UIMC1: variants seen among roughly 807,000 people sequenced by gnomAD.
The protein encoded by UIMC1 is BRCA1-A complex subunit RAP80.
In UIMC1, 42 loss-of-function variants were observed where a neutral mutation model predicts 84.9. The observed-to-expected ratio is 0.49, with a 90% confidence interval of 0.39 to 0.64. UIMC1 has a LOEUF of 0.64. UIMC1 is among the 30% of genes least tolerant of loss of function. The pLI, the probability that UIMC1 is intolerant of heterozygous loss-of-function variation, is 0.00. For synonymous variants in UIMC1, 281 were observed against 293.0 expected (o/e 0.96, Z 0.42); for missense variants, 825 against 847.6 (o/e 0.97, Z 0.33).
intron 10 of UIMC1, among the ~76,000 whole-genome samples, chr5:176,940,117 C>T (rs1764237596): frequency 6.6e-6 from 1 of 152,160 alleles, no homozygotes. Flanking sequence ...TGGCATAAGT[C>T]TGAAAATTGG....
chr5:176,905,657 CTGGGTAAATCATAT>C, intron 14 of UIMC1, 165 bp from the exon 15 acceptor site: 1 of 708,360 alleles, frequency 1.4e-6, no homozygotes, highest in East Asian at 2.7e-5. Context: ...GATGAGGTCA[CTGGGTAAATCATAT>C]ACTACTTAAA....
At chr5:176,910,868 A>G (rs1044218106) in intron 11 of UIMC1, among the ~76,000 whole-genome samples, 1 of 152,190 alleles carries the variant, frequency 6.6e-6, no homozygotes. Flanking sequence ...AGGCAGGCCA[A>G]TCACCTGAGG....
chr5:176,920,544 T>C (rs1037856957), intron 10 of UIMC1, among the ~76,000 whole-genome samples: 2 of 152,378 alleles, frequency 1.3e-5, no homozygotes, highest in East Asian at 3.9e-4. Context: ...TTTGATAGTA[T>C]ATTAAATGTA....
chr5:176,963,521 TAAAAAAA>T (rs74389908), intron 6 of UIMC1, among the ~76,000 whole-genome samples: 1 of 130,020 alleles, frequency 7.7e-6, no homozygotes, highest in Admixed American at 7.8e-5. Context: ...ACTCCATCTT[TAAAAAAA>T]AAAAAAAAAA....
At chr5:176,956,949 T>C (rs1397544185) in intron 7 of UIMC1, among the ~76,000 whole-genome samples, 1 of 152,186 alleles carries the variant, frequency 6.6e-6, no homozygotes, top group African/African-American at 2.4e-5. Flanking sequence ...TAGTGCTCTA[T>C]TCAAAGGGTC....
At chr5:177,012,410 C>G (rs1349425169) in intron 1 of UIMC1, among the ~76,000 whole-genome samples, 2 of 152,182 alleles carry the variant, frequency 1.3e-5, no homozygotes, top group Non-Finnish European at 2.9e-5. Flanking sequence ...TCGAAACTGA[C>G]TTCAGGGCCA....
At position 176,946,444 on chromosome 5, in the gene UIMC1, G is replaced by A. The variant is rs560640966; in HGVS notation, c.1444-2956C>T. ...GGAGAATCACTTAAACCTGGGAGGC[G>A]GAGGCTGCAGTGAGCCGAGATCCCG... On this transcript the variant is annotated intron_variant, in intron 9 of 14. Transcript: ENST00000511320. 1.2e-3 allele frequency among the ~76,000 whole-genome samples: 189 copies of A among 151,422 alleles called. 2 individuals are homozygous for A. Among genetic ancestry groups the A allele is most frequent in the African/African-American group, 4.5e-3 (183 of 40,810 alleles).
Position 177,014,167 on chromosome 5 carries a change from C to T in UIMC1, c.-9+8297G>A, listed in dbSNP as rs190457666. On this transcript the variant is annotated intron_variant, in intron 1 of 5. Transcript: ENST00000509236. ...TCCCCGGTTCAAGCGATTCTCCTGCCTCAGCCTCCCAAGTAGCTGGGATTA... is the reference window on the plus strand; with the variant it reads ...TCCCCGGTTCAAGCGATTCTCCTGCTTCAGCCTCCCAAGTAGCTGGGATTA... Among the ~76,000 whole-genome samples, 71 of 151,596 alleles carry T rather than the reference C, an allele frequency of 4.7e-4. No individual in the cohort carries two copies. In the East Asian group the frequency reaches 0.013, roughly 28 times the overall value.
At position 176,935,206 on chromosome 5, in the gene UIMC1, A is replaced by G. The variant is rs1399940396; in HGVS notation, c.1597+8129T>C. On this transcript the variant is annotated intron_variant, in intron 10 of 14. Coordinates refer to ENST00000511320, the MANE Select transcript of UIMC1 (RefSeq NM_001199298.2). ...TTCAAGTTACATTTGTCATTCTCCA[A>G]CTGCCCACCATTTCCTTTCATAATG... Among the ~76,000 whole-genome samples the G allele has an allele frequency of 2.6e-5, 4 of 152,120 alleles. No homozygotes were observed. The East Asian group carries it at 7.7e-4, about 29-fold the overall frequency.
upstream of UIMC1, chr5:177,006,877 C>T (rs1484344678): frequency 6.6e-6 from 1 of 152,262 alleles, no homozygotes; most frequent in Admixed American, 6.5e-5. Flanking sequence ...CGTGAGCCGG[C>T]TCGCACCTTG....
At chr5:177,014,329 T>C (rs754869456) in intron 1 of UIMC1, among the ~76,000 whole-genome samples, 41 of 152,180 alleles carry the variant, frequency 2.7e-4, no homozygotes, top group Non-Finnish European at 2.9e-4. Flanking sequence ...GCTAGGATTA[T>C]AGGCATGAGC....
rs80335674 is a variant in UIMC1 at position 176,939,994 on chromosome 5, G to A, written c.1597+3341C>T. ...ATCCAACTGAACAGCATTAGACGGG[G>A]TCACTGATCCTGGACACAGCAGAAC... On this transcript the variant is annotated intron_variant, in intron 10 of 14. Coordinates refer to ENST00000511320, the MANE Select transcript of UIMC1 (RefSeq NM_001199298.2). 5.4e-3 allele frequency among the ~76,000 whole-genome samples: 822 copies of A among 152,290 alleles called. 23 individuals carry two copies. In the East Asian group the frequency reaches 0.067, roughly 12 times the overall value.
intron 10 of UIMC1, among the ~76,000 whole-genome samples, chr5:176,920,039 GAGA>G (rs139664202): frequency 6.0e-4 from 92 of 152,124 alleles, no homozygotes; most frequent in Non-Finnish European, 1.2e-3. Flanking sequence ...TTGTTTTTTT[GAGA>G]AGGAGTTTCG....
At chr5:176,976,978 T>C (rs182914921) in intron 2 of UIMC1, among the ~76,000 whole-genome samples, 7 of 152,180 alleles carry the variant, frequency 4.6e-5, no homozygotes, top group Non-Finnish European at 1.0e-4. Context: ...ATCCCAGCAC[T>C]TTGGGAGGCC....
chr5:177,001,049 T>C (rs1774370597), intron 1 of UIMC1, among the ~76,000 whole-genome samples: 1 of 152,198 alleles, frequency 6.6e-6, no homozygotes, highest in Non-Finnish European at 1.5e-5. Flanking sequence ...TGGTTGCCTG[T>C]GGTTATGGGA....
intron 1 of UIMC1, among the ~76,000 whole-genome samples, chr5:177,016,050 G>C (rs1399634960): frequency 2.0e-5 from 3 of 151,960 alleles, no homozygotes; most frequent in Admixed American, 6.6e-5. Context: ...CTGGGCAACA[G>C]AAGAAGACTC....
rs772124216 is a variant in UIMC1, at chr5:176,943,362, A to T, written c.1570T>A (p.Cys524Ser). ...GTATCTTCCTCCATCAGACCATTGCAGTACATGGCATGTCGTTCAATCTTT... is the reference window on the plus strand; with the variant it reads ...GTATCTTCCTCCATCAGACCATTGCTGTACATGGCATGTCGTTCAATCTTT... ...PTKIERHAMY[C>S]NGLMEEDTVL... The change falls in exon 10 of 15, where the codon TGC becomes AGC. Residue 524 changes from cysteine (C) to serine (S), a missense_variant. Physicochemically the swap from Cys to Ser is moderately radical, Grantham distance 112 (BLOSUM62 -1). Transcript: ENST00000511320. 1.9e-6 allele frequency: 3 copies of T among 1,614,022 alleles called. No individual in the cohort carries two copies. The highest frequency in any genetic ancestry group is 2.5e-6 in the Non-Finnish European group (3 of 1,180,016).
intron 1 of UIMC1, among the ~76,000 whole-genome samples, chr5:176,995,792 G>A (rs1773518938): frequency 1.4e-5 from 2 of 140,590 alleles, no homozygotes; most frequent in South Asian, 2.2e-4. Context: ...GCGGTGAGCC[G>A]AGATCATGCC....
chr5:176,998,167 T>TGTGGTAG (rs758168285), intron 1 of UIMC1, among the ~76,000 whole-genome samples: 66 of 152,212 alleles, frequency 4.3e-4, no homozygotes, highest in Non-Finnish European at 5.9e-4. Context: ...TACCAAATGC[T>TGTGGTAG]GTGGCAAATG....
Sources: gnomAD v4.1 joint callset for allele counts (sites outside exome capture counted in the v4.1 genomes callset) on GRCh38, gnomAD v4.1.1 for gene constraint, MANE v1.5 for transcripts, NCBI Gene and HGNC (gene_info 2026-07-23, HGNC 2026-07-21) for gene names.